MAGI1: variants seen among roughly 807,000 people sequenced by gnomAD.
MAGI1 encodes the protein membrane associated guanylate kinase, WW and PDZ domain containing 1, also known as membrane-associated guanylate kinase, WW and PDZ domain-containing protein 1.
In MAGI1, 58 loss-of-function variants were observed where a neutral mutation model predicts 139.9. That is an observed-to-expected ratio of 0.41 (90% CI 0.34 to 0.52). The LOEUF (loss-of-function observed/expected upper bound fraction) is 0.52, where lower values mean the gene tolerates loss of function less well. Ranked by LOEUF, MAGI1 falls within the 20% of genes least tolerant of loss-of-function variation. MAGI1 has a pLI of 0.12. For missense variants in MAGI1, 1,874 were observed against 1,901.6 expected, an observed-to-expected ratio of 0.99 and a Z score of 0.27; for synonymous variants, 812 against 737.9, an observed-to-expected ratio of 1.10 and a Z score of -1.63.
At chr3:65,584,664 T>G (rs2081591936) in intron 2 of MAGI1, among the ~76,000 whole-genome samples, 1 of 152,146 alleles carries the variant, frequency 6.6e-6, no homozygotes, top group African/African-American at 2.4e-5. Context: ...ATTTGAAGTG[T>G]GTGGTACAAA....
intron 1 of MAGI1, among the ~76,000 whole-genome samples, chr3:65,664,154 T>C (rs543813802): frequency 6.6e-5 from 10 of 152,110 alleles, no homozygotes; most frequent in Non-Finnish European, 1.2e-4. Context: ...GCTGAACAAA[T>C]TGTCACCTAG....
chr3:65,375,219 C>T (rs1053515114), intron 18 of MAGI1, among the ~76,000 whole-genome samples: 1 of 144,956 alleles, frequency 6.9e-6, no homozygotes, highest in Admixed American at 6.9e-5. Flanking sequence ...GATGGAGTCT[C>T]ACTCTGTCGC....
chr3:65,599,245 C>T (rs79447994), intron 2 of MAGI1, among the ~76,000 whole-genome samples: 5,317 of 152,178 alleles, frequency 0.035, 134 homozygotes, highest in Middle Eastern at 0.071. Flanking sequence ...GCAGGCTTTA[C>T]GGGTGCGGGA....
chr3:65,718,228 G>C (rs1250775884), intron 1 of MAGI1, among the ~76,000 whole-genome samples: 1 of 151,964 alleles, frequency 6.6e-6, no homozygotes, highest in African/African-American at 2.4e-5. Flanking sequence ...AGCCATGACC[G>C]GGCATTCTAA....
chr3:65,664,502 C>T (rs1012412968), intron 1 of MAGI1, among the ~76,000 whole-genome samples: 3 of 152,186 alleles, frequency 2.0e-5, no homozygotes, highest in African/African-American at 2.4e-5. Context: ...AATTAAATAA[C>T]TTATCCAAGT....
rs756795614 is a variant in MAGI1 at position 65,375,834 on chromosome 3, C to T, written c.3107G>A (p.Cys1036Tyr). ...VGDRILAVNG[C>Y]SITNKSHSDI... is the part of the protein sequence containing the mutation. ...TGAATGGGATTTGTTGGTGATGGAA[C>T]ATCCATTTACTGCCAAGATCCGGTC... Residue 1036 changes from cysteine (C) to tyrosine (Y), a missense_variant, in exon 18 of 23, where the codon TGT becomes TAT. This residue lies in a region of MAGI1 where 653 missense variants were observed against 644.5 expected (regional missense o/e 1.01). Transcript: ENST00000402939. 1.5e-5 allele frequency: 24 copies of T among 1,614,068 alleles called. No homozygotes were observed. Among genetic ancestry groups the T allele is most frequent in the Non-Finnish European group, 2.0e-5 (24 of 1,179,994 alleles).
At chr3:65,761,955 A>G (rs1461675462) in intron 1 of MAGI1, among the ~76,000 whole-genome samples, 1 of 152,192 alleles carries the variant, frequency 6.6e-6, no homozygotes, top group Non-Finnish European at 1.5e-5. Context: ...GGGCTTAAAT[A>G]GACACAAAAT....
At chr3:65,915,978 T>C (rs1199581890) in intron 1 of MAGI1, among the ~76,000 whole-genome samples, 3 of 149,146 alleles carry the variant, frequency 2.0e-5, no homozygotes, top group Non-Finnish European at 4.4e-5. Flanking sequence ...ATATATAAAA[T>C]GTGAATATAT....
chr3:65,846,221 T>A (rs1226130897), intron 1 of MAGI1, among the ~76,000 whole-genome samples: 2 of 152,214 alleles, frequency 1.3e-5, no homozygotes, highest in Non-Finnish European at 2.9e-5. Context: ...ATTTTCAAGA[T>A]CATCACTAGA....
rs533807500 is a variant in MAGI1 at position 65,799,249 on chromosome 3, C to G, written c.314-177161G>C. 3.3e-5 allele frequency among the ~76,000 whole-genome samples: 5 copies of G among 152,226 alleles called. No individual in the cohort carries two copies. The East Asian group carries it at 5.8e-4, about 18-fold the overall frequency. ...CAAAAGTTATGGCCACAGTGCATTACAAGTACTTAGTTCAAAAGGAAAGAA... is the reference window on the plus strand; with the variant it reads ...CAAAAGTTATGGCCACAGTGCATTAGAAGTACTTAGTTCAAAAGGAAAGAA... On this transcript the variant is annotated intron_variant, in intron 1 of 22. Transcript: ENST00000402939.
intron 2 of MAGI1, among the ~76,000 whole-genome samples, chr3:65,494,823 G>A (rs1374060538): frequency 1.3e-5 from 2 of 152,176 alleles, no homozygotes; most frequent in Non-Finnish European, 2.9e-5. Flanking sequence ...ATTTTCATAA[G>A]TCAAAAACAC....
At position 65,429,740 on chromosome 3, in the gene MAGI1, C is replaced by T. The variant is rs1441136048; in HGVS notation, c.1947G>A (p.Gly649=). Residue 649 remains glycine (G), a synonymous_variant, in exon 12 of 23, where the codon GGG becomes GGA. Coordinates refer to ENST00000402939, the MANE Select transcript of MAGI1 (RefSeq NM_001033057.2). Reference sequence around the variant, plus strand: ...CGATAGTAAAACCAAAGCCCATTGGCCCTTTGACAATATGAACAGTTATGA... The same window carrying T: ...CGATAGTAAAACCAAAGCCCATTGGTCCTTTGACAATATGAACAGTTATGA... ...PELITVHIVK[G]PMGFGFTIAD... 1.2e-6 allele frequency: 2 copies of T among 1,613,946 alleles called. No individual in the cohort carries two copies. Among genetic ancestry groups the T allele is most frequent in the African/African-American group, 1.3e-5 (1 of 75,028 alleles).
At chr3:65,501,175 A>C (rs2107700211) in intron 2 of MAGI1, among the ~76,000 whole-genome samples, 1 of 152,218 alleles carries the variant, frequency 6.6e-6, no homozygotes, top group Non-Finnish European at 1.5e-5. Context: ...CCCTTCTGAA[A>C]CTGCTTTTAA....
At position 65,415,245 on chromosome 3, in the gene MAGI1, C is replaced by A. The variant is rs571483145; in HGVS notation, c.2168-13775G>T. 1.2e-4 allele frequency among the ~76,000 whole-genome samples: 19 copies of A among 152,274 alleles called. No individual in the cohort carries two copies. The East Asian group carries it at 2.7e-3, about 22-fold the overall frequency. ...TCCCTAACCTTTTCTCTACTCCAGA[C>A]AACTAAGTCAAAGGTACTGAAAACA... is the stretch of plus-strand genomic sequence containing the variant. On this transcript the variant is annotated intron_variant, in intron 12 of 22. Transcript: ENST00000402939.
intron 1 of MAGI1, among the ~76,000 whole-genome samples, chr3:66,029,815 T>A (rs2068498118): frequency 6.6e-6 from 1 of 152,192 alleles, no homozygotes. Context: ...CTGAGGCCAA[T>A]GACTTGGCTA....
chr3:65,385,923 T>G (rs754023959), intron 14 of MAGI1, among the ~76,000 whole-genome samples: 10 of 152,196 alleles, frequency 6.6e-5, no homozygotes, highest in Non-Finnish European at 1.3e-4. Context: ...AAGTTGTGTC[T>G]CCGTCTTTGA....
intron 12 of MAGI1, among the ~76,000 whole-genome samples, chr3:65,418,383 T>C (rs1026049806): frequency 2.0e-5 from 3 of 152,182 alleles, no homozygotes; most frequent in African/African-American, 7.2e-5. Flanking sequence ...AAGAGGCTTG[T>C]GGCTATTACT....
At chr3:65,382,230 T>C (rs1364656739) in intron 15 of MAGI1, among the ~76,000 whole-genome samples, 161 bp from the exon 16 acceptor site, 1 of 152,234 alleles carries the variant, frequency 6.6e-6, no homozygotes, top group Non-Finnish European at 1.5e-5. Context: ...TGCTAAGCAC[T>C]GCAACAATTC....
At chr3:65,639,423 G>C (rs2084847045) in intron 1 of MAGI1, among the ~76,000 whole-genome samples, 1 of 152,194 alleles carries the variant, frequency 6.6e-6, no homozygotes, top group Non-Finnish European at 1.5e-5. Context: ...CTCTGGGCAA[G>C]GAGTCAGGGG....
Sources: gnomAD v4.1 joint callset for allele counts (sites outside exome capture counted in the v4.1 genomes callset) on GRCh38, gnomAD v4.1.1 for gene constraint, gnomAD v4.1.1 regional missense constraint, MANE v1.5 for transcripts, NCBI Gene and HGNC (gene_info 2026-07-23, HGNC 2026-07-21) for gene names.